ASIC2: variants seen among roughly 807,000 people sequenced by gnomAD.
The protein encoded by ASIC2 is acid sensing ion channel subunit 2, also known as acid-sensing ion channel 2.
In ASIC2, 25 loss-of-function variants were observed where a neutral mutation model predicts 57.3. The observed-to-expected ratio is 0.44, with a 90% confidence interval of 0.32 to 0.61. The LOEUF (loss-of-function observed/expected upper bound fraction) is 0.61. Ranked by LOEUF, ASIC2 falls within the 20% of genes least tolerant of loss-of-function variation. The probability of loss-of-function intolerance (pLI) is 0.06; values close to 1 mark genes in which losing one functional copy is unlikely to be tolerated. For synonymous variants in ASIC2, 319 were observed against 307.5 expected (o/e 1.04, Z -0.39); for missense variants, 641 against 738.1 (o/e 0.87, Z 1.52).
intron 1 of ASIC2, among the ~76,000 whole-genome samples, chr17:33,176,264 C>A (rs1567773729): frequency 1.3e-5 from 2 of 152,226 alleles, no homozygotes; most frequent in African/African-American, 2.4e-5. Flanking sequence ...CATTGGACTG[C>A]AAGCTTTTTG....
chr17:34,038,793 T>C (rs1907988561), intron 1 of ASIC2: 2 of 1,611,912 alleles, frequency 1.2e-6, no homozygotes, highest in African/African-American at 1.3e-5. Context: ...TTCCACTGTT[T>C]CTGCTCATTG....
intron 1 of ASIC2, among the ~76,000 whole-genome samples, chr17:33,992,122 G>A (rs926529627): frequency 9.9e-5 from 15 of 152,102 alleles, no homozygotes; most frequent in African/African-American, 2.9e-4. Flanking sequence ...GAACTGGACC[G>A]GTTTGGTGGT....
intron 1 of ASIC2, among the ~76,000 whole-genome samples, chr17:33,199,506 C>G (rs1255540351): frequency 6.6e-6 from 1 of 152,204 alleles, no homozygotes; most frequent in Non-Finnish European, 1.5e-5. Context: ...TTAGCTTTTA[C>G]TGGCTCCTGC....
At chr17:33,673,496 A>G (rs969238339) in intron 1 of ASIC2, among the ~76,000 whole-genome samples, 1 of 152,178 alleles carries the variant, frequency 6.6e-6, no homozygotes, top group African/African-American at 2.4e-5. Context: ...TCTGATGCAA[A>G]CCCTTTTTTA....
intron 1 of ASIC2, among the ~76,000 whole-genome samples, chr17:34,135,218 A>G (rs1384568437): frequency 1.3e-5 from 2 of 152,240 alleles, no homozygotes; most frequent in Non-Finnish European, 2.9e-5. Context: ...GTCAGCCTAC[A>G]CCAAAAATTG....
At chr17:33,394,354 C>T (rs933675168) in intron 1 of ASIC2, among the ~76,000 whole-genome samples, 2 of 152,234 alleles carry the variant, frequency 1.3e-5, no homozygotes, top group African/African-American at 4.8e-5. Context: ...TCAGCCCTGG[C>T]TGCAAGTTGG....
intron 1 of ASIC2, chr17:33,828,631 GA>G (rs1414524332): frequency 6.6e-6 from 1 of 152,188 alleles, no homozygotes; most frequent in Non-Finnish European, 1.5e-5. Context: ...AACTTGGAGT[GA>G]AATGTGAAGA....
chr17:33,614,349 A>G (rs950870407), intron 1 of ASIC2, among the ~76,000 whole-genome samples: 14 of 152,172 alleles, frequency 9.2e-5, no homozygotes, highest in Non-Finnish European at 2.9e-5. Context: ...AGGATTCCTG[A>G]ACTTCTGCCC....
intron 1 of ASIC2, among the ~76,000 whole-genome samples, chr17:33,448,479 T>A (rs1346672836): frequency 6.6e-6 from 1 of 152,184 alleles, no homozygotes. Context: ...ATAAGTGTCC[T>A]TATAAGAGAG....
rs111640770 is a variant in ASIC2, at chr17:33,076,143, T to TA, written c.987+12719dup. Among the ~76,000 whole-genome samples the TA allele has an allele frequency of 6.2e-3, 939 of 151,016 alleles. 14 individuals are homozygous for TA. Among genetic ancestry groups the TA allele is most frequent in the African/African-American group, 0.022 (890 of 41,208 alleles). ...CTGTGGTCTCTAATCCCAGGTAATT[T>TA]AAAAAAAAAATTCTAACTTCAAAAA... On this transcript the variant is annotated intron_variant, in intron 3 of 9. Coordinates refer to ENST00000225823, the MANE Select transcript of ASIC2 (RefSeq NM_183377.2).
chr17:33,364,482 C>A (rs1330225634), intron 1 of ASIC2, among the ~76,000 whole-genome samples: 2 of 152,180 alleles, frequency 1.3e-5, no homozygotes, highest in Non-Finnish European at 2.9e-5. Context: ...GGGAAGGGAC[C>A]TGGTGAGAGG....
At chr17:33,032,450 T>C (rs1272000194) in intron 3 of ASIC2, among the ~76,000 whole-genome samples, 1 of 56,930 alleles carries the variant, frequency 1.8e-5, no homozygotes, top group Non-Finnish European at 4.2e-5. Flanking sequence ...GTTTTTTTTT[T>C]TTTTTTTTTT....
At chr17:33,960,432 T>C (rs957491877) in intron 1 of ASIC2, among the ~76,000 whole-genome samples, 1 of 152,186 alleles carries the variant, frequency 6.6e-6, no homozygotes, top group African/African-American at 2.4e-5. Context: ...CATACAGAGG[T>C]GAATGAGTTC....
chr17:33,447,369 C>T (rs1912066658), intron 1 of ASIC2, among the ~76,000 whole-genome samples: 1 of 152,106 alleles, frequency 6.6e-6, no homozygotes, highest in Non-Finnish European at 1.5e-5. Flanking sequence ...CCAAGGGGGC[C>T]TGTCAAAGGG....
chr17:33,451,247 G>A (rs537899485), intron 1 of ASIC2, among the ~76,000 whole-genome samples: 14 of 151,974 alleles, frequency 9.2e-5, no homozygotes, highest in Admixed American at 2.0e-4. Context: ...ACAAAGTTTT[G>A]TATTTTTCAT....
chr17:33,534,240 A>C (rs1915153155), intron 1 of ASIC2: 1 of 152,168 alleles, frequency 6.6e-6, no homozygotes, highest in South Asian at 2.1e-4. Context: ...GCGAACCAGA[A>C]GTGACAAATG....
intron 1 of ASIC2, chr17:34,006,746 AAAGGG>A (rs1421796917): frequency 6.6e-6 from 1 of 152,192 alleles, no homozygotes; most frequent in Admixed American, 6.5e-5. Flanking sequence ...CGAAATATCA[AAAGGG>A]GCTGACCCAT....
intron 1 of ASIC2, among the ~76,000 whole-genome samples, chr17:33,452,714 T>A (rs1308320227): frequency 6.7e-6 from 1 of 150,046 alleles, no homozygotes; most frequent in Non-Finnish European, 1.5e-5. Flanking sequence ...AAGATTGATG[T>A]TTTCTTTGTT....
In ASIC2 at chr17:34,060,218, T is replaced by C. The variant is rs540149242; in HGVS notation, c.555+95760A>G. 2.6e-5 allele frequency among the ~76,000 whole-genome samples: 4 copies of C among 152,352 alleles called. No homozygotes were observed. The South Asian group carries it at 8.3e-4, about 32-fold the overall frequency. The stretch of plus-strand genomic sequence containing the variant: ...CCAGCCTGGAGCCAGGTAGGCTCAC[T>C]GGGTGGCTAGACCCAGAAGAGAGAC... On this transcript the variant is annotated intron_variant, in intron 1 of 9. Coordinates refer to the ASIC2 transcript ENST00000359872.
Sources: allele counts gnomAD v4.1 joint callset (sites outside exome capture counted in the v4.1 genomes callset), GRCh38; gene constraint gnomAD v4.1.1; transcripts MANE v1.5; gene names NCBI Gene and HGNC (gene_info 2026-07-23, HGNC 2026-07-21).